Variants in DISP1 observed in about 807,000 individuals in gnomAD.
DISP1 encodes dispatched RND transporter family member 1, also known as protein dispatched homolog 1.
Under a neutral mutation model 37.3 loss-of-function variants are expected in DISP1, and 30 were observed. The ratio of observed to expected loss-of-function variants is 0.80; its 90% CI spans 0.60 to 1.09. The LOEUF (loss-of-function observed/expected upper bound fraction) is 1.09, where lower values mean the gene tolerates loss of function less well. Ranked by LOEUF, DISP1 falls within the 50% of genes least tolerant of loss-of-function variation. The pLI is 0.00. For missense variants in DISP1, 1,598 were observed against 1,879.5 expected (o/e 0.85, Z 2.77); for synonymous variants, 634 against 690.2 (o/e 0.92, Z 1.28).
intron 3 of DISP1, among the ~76,000 whole-genome samples, chr1:222,950,865 C>A (rs1675172553): frequency 6.6e-6 from 1 of 152,168 alleles, no homozygotes; most frequent in Admixed American, 6.5e-5. Flanking sequence ...ATAAGGAGTT[C>A]TGCATCCAAA....
chr1:222,990,588 G>A (rs2102740246), intron 4 of DISP1, 37 bp from the exon 5 acceptor site: 2 of 1,613,336 alleles, frequency 1.2e-6, no homozygotes, highest in Non-Finnish European at 1.7e-6. Flanking sequence ...CTGTAGTTAT[G>A]CAGCTCTGAT....
intron 1 of DISP1, among the ~76,000 whole-genome samples, chr1:222,915,670 A>C (rs1672458773): frequency 6.6e-6 from 1 of 152,104 alleles, no homozygotes; most frequent in South Asian, 2.1e-4. Flanking sequence ...TTCATCTTTC[A>C]TTCTCTTGTT....
intron 1 of DISP1, among the ~76,000 whole-genome samples, chr1:222,870,131 A>T (rs1414614394): frequency 6.6e-6 from 1 of 152,192 alleles, no homozygotes; most frequent in Admixed American, 6.5e-5. Context: ...ACCATTTGTT[A>T]TGACTGCATA....
intron 1 of DISP1, among the ~76,000 whole-genome samples, chr1:222,909,930 A>C (rs540958457): frequency 6.6e-6 from 1 of 152,306 alleles, no homozygotes; most frequent in East Asian, 1.9e-4. Flanking sequence ...GTTAGCTGCC[A>C]GCTCTGCCTG....
rs539660327 is a variant in DISP1, at chr1:222,841,274, A to C, written c.-159+26196A>C. Reference sequence around the variant, plus strand: ...TTAAGTAGTTTTATTTTTTAGTAGGATCTCATAACACTAAACAAACCTGTA... The same window carrying C: ...TTAAGTAGTTTTATTTTTTAGTAGGCTCTCATAACACTAAACAAACCTGTA... On this transcript the variant is annotated intron_variant, in intron 1 of 8. Coordinates refer to ENST00000675850, the MANE Select transcript of DISP1 (RefSeq NM_001377229.1). 3.5e-4 allele frequency among the ~76,000 whole-genome samples: 53 copies of C among 152,228 alleles called. No homozygotes were observed. The South Asian group carries it at 0.011, about 30-fold the overall frequency.
At position 223,003,096 on chromosome 1, in the gene DISP1, G is replaced by A. The variant is rs1403634167; in HGVS notation, c.1699G>A (p.Val567Ile). ...GAACCTCACTGCCCTCATTATTTTG[G>A]TTGGAATTGGAGCAGATGATGCTTT... The part of the protein sequence containing the change: ...FMNLTALIIL[V>I]GIGADDAFVL... The change falls in exon 9 of 9, where the codon GTT becomes ATT. Residue 567 changes from valine (V) to isoleucine (I), a missense_variant. By Grantham distance (29) the Val-to-Ile change is conservative. Transcript: ENST00000675850. This position sits in a 1 kb window ranked among gnomAD's most constrained non-coding sequence, Gnocchi z 4.3. 1.9e-6 allele frequency: 3 copies of A among 1,613,926 alleles called. No homozygotes were observed. The highest frequency in any genetic ancestry group is 2.7e-5 in the African/African-American group (2 of 74,862).
At chr1:222,822,040 A>G (rs1663078429) in intron 1 of DISP1, among the ~76,000 whole-genome samples, 1 of 152,146 alleles carries the variant, frequency 6.6e-6, no homozygotes, top group Non-Finnish European at 1.5e-5. Context: ...GAGTCAATTA[A>G]ACCTCTTGTT....
intron 8 of DISP1, among the ~76,000 whole-genome samples, chr1:222,995,809 C>T (rs1679023570): frequency 1.3e-5 from 2 of 152,254 alleles, no homozygotes; most frequent in Admixed American, 6.5e-5. Flanking sequence ...GTTAAAAAAT[C>T]GAATCATGTG....
At position 222,895,700 on chromosome 1, in the gene DISP1, A is replaced by G. The variant is rs551212184; in HGVS notation, c.-158-32730A>G. ...TTCAGCAAAGGTGCCAAGGTAATTC[A>G]ATGGAGAAGGATCAGTCTTTTCCAC... On this transcript the variant is annotated intron_variant, in intron 1 of 8. Transcript: ENST00000675850. Among the ~76,000 whole-genome samples the G allele has an allele frequency of 2.7e-4, 41 of 152,348 alleles. 1 individual carries two copies. Among genetic ancestry groups the G allele is most frequent in the East Asian group, 1.5e-3 (8 of 5,186 alleles).
At chr1:222,870,010 A>G (rs1015305758) in intron 1 of DISP1, among the ~76,000 whole-genome samples, 8 of 152,082 alleles carry the variant, frequency 5.3e-5, no homozygotes, top group Non-Finnish European at 1.2e-4. Flanking sequence ...TCATTGTTCA[A>G]TTCCCACCTA....
rs145290571 is a variant in DISP1, at chr1:222,869,106, C to T, written c.-159+54028C>T. Among the ~76,000 whole-genome samples the T allele has an allele frequency of 1.5e-4, 23 of 152,178 alleles. No homozygotes were observed. The East Asian group carries it at 4.4e-3, about 29-fold the overall frequency. On this transcript the variant is annotated intron_variant, in intron 1 of 8. Coordinates refer to ENST00000675850, the MANE Select transcript of DISP1 (RefSeq NM_001377229.1). ...ATTTAAAAGAGGAAAAAATAAACTC[C>T]TGCATTTTGTGAAGTTTTAAGGCTC...
chr1:222,832,805 A>C (rs1242483208), intron 1 of DISP1, among the ~76,000 whole-genome samples: 1 of 152,154 alleles, frequency 6.6e-6, no homozygotes, highest in Non-Finnish European at 1.5e-5. Context: ...CTGAGACATG[A>C]GACTCACTTG....
chr1:222,894,606 G>T (rs1671137684), intron 1 of DISP1, among the ~76,000 whole-genome samples: 1 of 152,200 alleles, frequency 6.6e-6, no homozygotes, highest in Non-Finnish European at 1.5e-5. Flanking sequence ...GGGGGCAGGG[G>T]GCTTCTCGGG....
At chr1:222,900,439 C>A (rs1390460084) in intron 1 of DISP1, among the ~76,000 whole-genome samples, 1 of 152,076 alleles carries the variant, frequency 6.6e-6, no homozygotes, top group African/African-American at 2.4e-5. Flanking sequence ...AAAAGAAAAT[C>A]CAGTTGATGA....
intron 2 of DISP1, among the ~76,000 whole-genome samples, chr1:222,934,675 G>A (rs1455810524): frequency 6.6e-6 from 1 of 152,140 alleles, no homozygotes; most frequent in Non-Finnish European, 1.5e-5. Context: ...GATACCTGAT[G>A]TGAAGAAAGA....
At chr1:222,906,503 A>G in intron 1 of DISP1, among the ~76,000 whole-genome samples, 1 of 152,290 alleles carries the variant, frequency 6.6e-6, no homozygotes, top group Middle Eastern at 3.4e-3. Context: ...TCCGCACAAG[A>G]TACTGGTCAT....
intron 3 of DISP1, among the ~76,000 whole-genome samples, chr1:222,955,013 G>A (rs1675493787): frequency 1.3e-5 from 2 of 152,192 alleles, no homozygotes; most frequent in South Asian, 4.2e-4. Context: ...GGCCAGAGAA[G>A]GCATCACAAT....
intron 3 of DISP1, among the ~76,000 whole-genome samples, chr1:222,972,274 A>G (rs1425535855): frequency 6.6e-6 from 1 of 152,066 alleles, no homozygotes; most frequent in East Asian, 1.9e-4. Flanking sequence ...TATTGATAAG[A>G]TTGTCAGAGG....
Position 223,005,239 on chromosome 1 carries a change from A to T in DISP1, c.3842A>T (p.Asn1281Ile), listed in dbSNP as rs149190569. 4.6e-4 allele frequency: 740 copies of T among 1,614,048 alleles called. 5 individuals carry two copies. In the African/African-American group the frequency reaches 8.6e-3, roughly 19 times the overall value. ...TGCCCAGATGCCTACAAACACTTGA[A>T]CTATGGCCCACACTCTTGCCAGCAG... ...CSCPDAYKHL[N>I]YGPHSCQQMG... The change falls in exon 9 of 9, where the codon AAC becomes ATC. Residue 1281 changes from asparagine to isoleucine, a missense_variant. Physicochemically the swap from Asn to Ile is moderately radical, Grantham distance 149 (BLOSUM62 -3). Transcript: ENST00000675850.
Sources: gnomAD v4.1 joint callset for allele counts (sites outside exome capture counted in the v4.1 genomes callset) on GRCh38, gnomAD v4.1.1 for gene constraint, Gnocchi (gnomAD v3.1) non-coding constraint, MANE v1.5 for transcripts, NCBI Gene and HGNC (gene_info 2026-07-23, HGNC 2026-07-21) for gene names.